PGAP1: variants seen among roughly 807,000 people sequenced by gnomAD.
The protein encoded by PGAP1 is post-GPI attachment to proteins inositol deacylase 1.
A neutral mutation model predicts 127.0 loss-of-function variants in PGAP1; 76 were observed. The ratio of observed to expected loss-of-function variants is 0.60; its 90% CI spans 0.50 to 0.72. The LOEUF is 0.72. Among genes scored for constraint, PGAP1 ranks in the 30% least tolerant of loss-of-function variants. PGAP1 has a pLI of 0.00. For synonymous variants in PGAP1, 362 were observed against 366.5 expected, an observed-to-expected ratio of 0.99 and a Z score of 0.14; for missense variants, 982 against 1,071.3, an observed-to-expected ratio of 0.92 and a Z score of 1.16.
intron 24 of PGAP1, 78 bp from the exon 25 acceptor site, chr2:196,844,153 A>C: frequency 1.2e-6 from 1 of 839,974 alleles, no homozygotes. Flanking sequence ...CTCATTACTT[A>C]TCAACTAAAT....
At chr2:196,914,671 A>C (rs192315487) in intron 3 of PGAP1, among the ~76,000 whole-genome samples, 89 of 151,478 alleles carry the variant, frequency 5.9e-4, no homozygotes, top group Non-Finnish European at 9.9e-4. Flanking sequence ...AACAAGTTGT[A>C]TACACAGTAC....
chr2:196,875,504 A>G (rs1701534510), intron 14 of PGAP1, among the ~76,000 whole-genome samples: 2 of 152,216 alleles, frequency 1.3e-5, no homozygotes, highest in African/African-American at 4.8e-5. Context: ...TCACATAAGA[A>G]CAGACACACA....
intron 12 of PGAP1, among the ~76,000 whole-genome samples, chr2:196,883,568 T>C (rs886203267): frequency 2.0e-5 from 3 of 152,194 alleles, no homozygotes; most frequent in Middle Eastern, 3.2e-3. Context: ...TGTGCAGCTA[T>C]CCACTCTAAT....
chr2:196,843,566 A>AT (rs1285189587), intron 25 of PGAP1, among the ~76,000 whole-genome samples: 1 of 152,102 alleles, frequency 6.6e-6, no homozygotes, highest in Admixed American at 6.5e-5. Flanking sequence ...TTTTGGGCTG[A>AT]TTTTTTGAAA....
chr2:196,838,551 CAT>C lies in PGAP1; in HGVS notation c.*2681_*2682del, dbSNP rs1162750674. On this transcript the variant is annotated 3_prime_UTR_variant, in exon 27 of 27. Transcript: ENST00000354764. Reference sequence around the variant, plus strand: ...GACCCTGTCAAAATGTAAGTGTATACATATGTGTCTGTATATATACACATATA... The same window carrying C: ...GACCCTGTCAAAATGTAAGTGTATACATGTGTCTGTATATATACACATATA... 6.6e-6 allele frequency: 1 copy of C among 152,188 alleles called. No homozygotes were observed. The highest frequency in any genetic ancestry group is 1.5e-5 in the Non-Finnish European group (1 of 68,030). 9.4% of individuals were successfully genotyped at this position (152,188 alleles called of 1,614,324 possible).
At chr2:196,891,796 T>A (rs1702108389) in intron 9 of PGAP1, among the ~76,000 whole-genome samples, 1 of 152,074 alleles carries the variant, frequency 6.6e-6, no homozygotes, top group African/African-American at 2.4e-5. Flanking sequence ...AATCAATTAA[T>A]AACTCCAGGC....
chr2:196,852,277 C>A (rs866240441), intron 20 of PGAP1, among the ~76,000 whole-genome samples: 24 of 152,088 alleles, frequency 1.6e-4, no homozygotes, highest in Middle Eastern at 3.4e-3. Flanking sequence ...GGCCAAAAAT[C>A]CCCTAAGAAA....
At chr2:196,899,096 T>A (rs1411424086) in intron 5 of PGAP1, among the ~76,000 whole-genome samples, 2 of 152,180 alleles carry the variant, frequency 1.3e-5, no homozygotes, top group African/African-American at 4.8e-5. Context: ...TCTCTGTGAA[T>A]AGCATCTCAC....
At chr2:196,876,726 C>T (rs1164949409) in intron 13 of PGAP1, among the ~76,000 whole-genome samples, 1 of 152,012 alleles carries the variant, frequency 6.6e-6, no homozygotes, top group East Asian at 1.9e-4. Flanking sequence ...AATAACTATA[C>T]TTTGGATTTG....
At chr2:196,872,360 A>G in intron 18 of PGAP1, 81 bp downstream of exon 18, 12 of 923,174 alleles carry the variant, frequency 1.3e-5, no homozygotes, top group Non-Finnish European at 1.7e-5. Context: ...ATGCCACCAT[A>G]TATCTGAAGC....
intron 3 of PGAP1, among the ~76,000 whole-genome samples, chr2:196,915,251 C>T (rs755430320): frequency 6.6e-6 from 1 of 152,108 alleles, no homozygotes; most frequent in Non-Finnish European, 1.5e-5. Flanking sequence ...CTCAGGTCTC[C>T]GCCCTTAGAT....
Position 196,833,455 on chromosome 2 carries a change from A to G in PGAP1, c.*7779T>C, listed in dbSNP as rs1011831648. 3.9e-5 allele frequency: 6 copies of G among 152,168 alleles called. No individual in the cohort carries two copies. Among genetic ancestry groups the G allele is most frequent in the African/African-American group, 1.4e-4 (6 of 41,442 alleles). 9.4% of individuals were successfully genotyped at this position (152,168 alleles called of 1,614,324 possible). Reference sequence around the variant, plus strand: ...TGGATGGATGAGAAAAAAATAATCAATTTGCAAACAAATGATTACTGAGTC... The same window carrying G: ...TGGATGGATGAGAAAAAAATAATCAGTTTGCAAACAAATGATTACTGAGTC... On this transcript the variant is annotated 3_prime_UTR_variant, in exon 27 of 27. Coordinates refer to ENST00000354764, the MANE Select transcript of PGAP1 (RefSeq NM_024989.4).
chr2:196,837,916 T>A lies in PGAP1; in HGVS notation c.*3318A>T, dbSNP rs1343032484. ...CATGATCAATATATATTGAAGAGACTCAAACTCAATGTTAACCAGGCACAG... is the reference window on the plus strand; with the variant it reads ...CATGATCAATATATATTGAAGAGACACAAACTCAATGTTAACCAGGCACAG... On this transcript the variant is annotated 3_prime_UTR_variant, in exon 27 of 27. Coordinates refer to ENST00000354764, the MANE Select transcript of PGAP1 (RefSeq NM_024989.4). 1 of 152,084 alleles carries A rather than the reference T, an allele frequency of 6.6e-6. No individual in the cohort carries two copies. Among genetic ancestry groups the A allele is most frequent in the Non-Finnish European group, 1.5e-5 (1 of 68,018 alleles). 9.4% of individuals were successfully genotyped at this position (152,084 alleles called of 1,614,324 possible). A position where few individuals can be genotyped will look rare whatever the true frequency, so the allele number is the denominator to read the frequency against.
At chr2:196,854,458 T>C (rs1385467190) in intron 20 of PGAP1, among the ~76,000 whole-genome samples, 1 of 152,224 alleles carries the variant, frequency 6.6e-6, no homozygotes, top group Non-Finnish European at 1.5e-5. Flanking sequence ...ATTTTGGCTA[T>C]GTTAAATCTT....
intron 9 of PGAP1, among the ~76,000 whole-genome samples, chr2:196,891,158 T>C (rs1576163368): frequency 6.6e-6 from 1 of 152,168 alleles, no homozygotes; most frequent in African/African-American, 2.4e-5. Context: ...TGTTGTTTTA[T>C]TGTGGGTTTT....
At chr2:196,900,242 G>A (rs934264262) in intron 5 of PGAP1, among the ~76,000 whole-genome samples, 2 of 152,122 alleles carry the variant, frequency 1.3e-5, no homozygotes, top group Non-Finnish European at 1.5e-5. Flanking sequence ...GAACCTCTTG[G>A]AAAACCACCC....
At chr2:196,922,706 G>T (rs1463602124) in intron 1 of PGAP1, 1 of 249,048 alleles carries the variant, frequency 4.0e-6, no homozygotes, top group Non-Finnish European at 6.0e-6. Context: ...TTGAGACAGG[G>T]TCCCACTCTT....
Position 196,916,514 on chromosome 2 carries a change from G to A in PGAP1, c.381C>T (p.Asn127=), listed in dbSNP as rs1703013924. The change falls in exon 3 of 27, where the codon AAC becomes AAT. Residue 127 remains asparagine, a synonymous_variant. Coordinates refer to ENST00000354764, the MANE Select transcript of PGAP1 (RefSeq NM_024989.4). ...ACAAAGCCACCAGTTCTTCATTGAA[G>A]TTCACACTAAAGAAGTCAAAGTGGT... is the stretch of plus-strand genomic sequence containing the variant. ...FKYHFDFFSV[N]FNEELVALYG... 6.2e-7 allele frequency: 1 copy of A among 1,613,582 alleles called. No homozygotes were observed.
intron 4 of PGAP1, 148 bp downstream of exon 4, chr2:196,912,734 C>T: frequency 1.8e-6 from 1 of 554,698 alleles, no homozygotes; most frequent in Non-Finnish European, 3.0e-6. Flanking sequence ...AAGAGACAGA[C>T]ACTCAGAATT....
Sources: gnomAD v4.1 joint callset for allele counts (sites outside exome capture counted in the v4.1 genomes callset) on GRCh38, gnomAD v4.1.1 for gene constraint, MANE v1.5 for transcripts, NCBI Gene and HGNC (gene_info 2026-07-23, HGNC 2026-07-21) for gene names.